Variants in GCNT4 observed in about 807,000 individuals in gnomAD.
GCNT4 encodes the protein glucosaminyl (N-acetyl) transferase 4, also known as beta-1,3-galactosyl-O-glycosyl-glycoprotein beta-1,6-N-acetylglucosaminyltransferase 4.
Under a neutral mutation model 31.3 loss-of-function variants are expected in GCNT4, and 17 were observed. The observed-to-expected ratio is 0.54, with a 90% CI of 0.37 to 0.81. The LOEUF (loss-of-function observed/expected upper bound fraction) is 0.81. Ranked by LOEUF, GCNT4 falls within the 40% of genes least tolerant of loss-of-function variation. GCNT4 has a pLI of 0.00. For synonymous variants in GCNT4, 158 were observed against 190.6 expected (o/e 0.83, Z 1.41); for missense variants, 503 against 525.5 (o/e 0.96, Z 0.42).
In GCNT4 at chr5:75,029,164, G is replaced by T. The variant is rs996742294; in HGVS notation, c.874C>A (p.Pro292Thr). 1.2e-6 allele frequency: 2 copies of T among 1,613,868 alleles called. No individual in the cohort carries two copies. The highest frequency in any genetic ancestry group is 1.1e-5 in the South Asian group (1 of 91,080). Residue 292 changes from proline (P) to threonine (T), a missense_variant, in exon 4 of 4, where the codon CCC becomes ACC. Physicochemically the swap from Pro to Thr is conservative, Grantham distance 38. Transcript: ENST00000652361. The part of the protein sequence containing the change: ...PIRTNISKEA[P>T]PHNIQIFVGS... ...ACAAATATCTGAATGTTATGGGGGG[G>T]TGCTTCCTTGGAGATGTTTGTCCTT...
chr5:75,029,471 A>G lies in GCNT4; in HGVS notation c.567T>C (p.Ala189=). 6.2e-7 allele frequency: 1 copy of G among 1,614,136 alleles called. No individual in the cohort carries two copies. Among genetic ancestry groups the G allele is most frequent in the Non-Finnish European group, 8.5e-7 (1 of 1,180,022 alleles). ...CATATTCCACAGCCTCTAATTTGGA[A>G]GCAATGAAAATATTGGAGAAGCACT... The part of the protein sequence containing the change: ...LAKCFSNIFI[A]SKLEAVEYAH... Residue 189 remains alanine, a synonymous_variant, in exon 4 of 4, where the codon GCT becomes GCC. Transcript: ENST00000652361.
intron 3 of GCNT4, 33 bp from the exon 4 acceptor site, chr5:75,030,071 A>T: frequency 6.5e-7 from 1 of 1,542,268 alleles, no homozygotes; most frequent in Non-Finnish European, 8.7e-7. Context: ...TCCAGTTGGA[A>T]TATTAACAGA....
chr5:75,030,581 T>TA (rs1423248017), intron 3 of GCNT4: 1 of 167,338 alleles, frequency 6.0e-6, no homozygotes, highest in African/African-American at 2.4e-5. Flanking sequence ...TGCTAAGTAT[T>TA]AGAGACTGTA....
the GCNT4 span, among the ~76,000 whole-genome samples, chr5:75,019,632 C>T: frequency 6.6e-6 from 1 of 152,160 alleles, no homozygotes. Flanking sequence ...CTGGCAATTA[C>T]TTCATAAAAG....
At chr5:75,024,657 G>A (rs931840452), downstream of GCNT4, among the ~76,000 whole-genome samples, 14 of 152,256 alleles carry the variant, frequency 9.2e-5, no homozygotes, top group South Asian at 2.5e-3. Flanking sequence ...CAAGGCAGGA[G>A]TCCTTCAAAG....
chr5:75,046,785 T>C (rs1743447747), intron 3 of GCNT4, among the ~76,000 whole-genome samples: 1 of 152,156 alleles, frequency 6.6e-6, no homozygotes, highest in South Asian at 2.1e-4. Flanking sequence ...GAGTTAAAAA[T>C]AGGCCACTCC....
At chr5:75,036,219 A>G (rs1316418697) in intron 3 of GCNT4, among the ~76,000 whole-genome samples, 1 of 152,134 alleles carries the variant, frequency 6.6e-6, no homozygotes, top group Non-Finnish European at 1.5e-5. Flanking sequence ...TTCAAGGGCC[A>G]TACTGTAGTT....
chr5:75,035,898 C>A (rs1561375287), intron 3 of GCNT4, among the ~76,000 whole-genome samples: 2 of 152,204 alleles, frequency 1.3e-5, no homozygotes, highest in Non-Finnish European at 2.9e-5. Context: ...CCTCCTATTT[C>A]TCCACAAAGT....
intron 3 of GCNT4, among the ~76,000 whole-genome samples, chr5:75,040,429 G>A (rs927008647): frequency 2.2e-4 from 34 of 152,276 alleles, no homozygotes; most frequent in African/African-American, 7.5e-4. Flanking sequence ...CAGTATTAAA[G>A]ACATCCATAC....
chr5:75,027,153 C>T lies in GCNT4; in HGVS notation c.*1523G>A, dbSNP rs1580234139. ...ACATATCATGACCAAGAAATTTTTA[C>T]ATGAGTTCTACAATTTCCCAAGAGA... On this transcript the variant is annotated 3_prime_UTR_variant, in exon 4 of 4. Transcript: ENST00000652361. The T allele has an allele frequency of 6.6e-6, 1 of 150,420 alleles. No individual in the cohort carries two copies. The highest frequency in any genetic ancestry group is 1.5e-5 in the Non-Finnish European group (1 of 67,718). The allele number at this position is 150,420 out of a possible 1,614,324, so 9.3% of individuals were successfully genotyped here. A position where few individuals can be genotyped will look rare whatever the true frequency, so the allele number is the denominator to read the frequency against.
rs1262361267 is a variant in GCNT4 at position 75,026,151 on chromosome 5, A to G, written c.*2525T>C. On this transcript the variant is annotated 3_prime_UTR_variant, in exon 4 of 4. Transcript: ENST00000652361. ...CTTCATCCTTCCATGTTCCCTTTGA[A>G]TACGGCATTTAAGTGATGAACAACT... 1.3e-5 allele frequency: 2 copies of G among 152,214 alleles called. No individual in the cohort carries two copies. Among genetic ancestry groups the G allele is most frequent in the Non-Finnish European group, 2.9e-5 (2 of 68,044 alleles). The allele number at this position is 152,214 out of a possible 1,614,324, so 9.4% of individuals were successfully genotyped here.
At chr5:75,043,597 T>C (rs769741586) in intron 3 of GCNT4, among the ~76,000 whole-genome samples, 2 of 152,184 alleles carry the variant, frequency 1.3e-5, no homozygotes, top group Non-Finnish European at 2.9e-5. Context: ...GCTAGAATTG[T>C]TGCACCCACC....
At chr5:75,033,242 G>A (rs1743113714) in intron 3 of GCNT4, among the ~76,000 whole-genome samples, 2 of 152,178 alleles carry the variant, frequency 1.3e-5, no homozygotes. Flanking sequence ...AGGCATCCTT[G>A]CCCTTCCTGA....
At chr5:75,035,330 G>A (rs1183692790) in intron 3 of GCNT4, among the ~76,000 whole-genome samples, 1 of 152,250 alleles carries the variant, frequency 6.6e-6, no homozygotes, top group African/African-American at 2.4e-5. Context: ...AAAGGGGAAT[G>A]GTAAGTCAAG....
chr5:75,037,900 C>T (rs970107452), intron 3 of GCNT4, among the ~76,000 whole-genome samples: 1 of 125,478 alleles, frequency 8.0e-6, no homozygotes, highest in Non-Finnish European at 1.7e-5. Context: ...AAACAAAAAA[C>T]AAAAAAAACA....
At position 75,027,315 on chromosome 5, in the gene GCNT4, TATATA is replaced by T. The variant is rs1294235679; in HGVS notation, c.*1356_*1360del. 1.8e-5 allele frequency: 1 copy of T among 55,950 alleles called. No homozygotes were observed. Among genetic ancestry groups the T allele is most frequent in the South Asian group, 5.0e-4 (1 of 1,988 alleles). The allele number at this position is 55,950 out of a possible 1,614,324, so 3.5% of individuals were successfully genotyped here. On this transcript the variant is annotated 3_prime_UTR_variant, in exon 4 of 4. Transcript: ENST00000652361. Reference sequence around the variant, plus strand: ...ATTTATATATATATAATTATATGTATATATAATATATATTCATATACAATATATGT... The same window carrying T: ...ATTTATATATATATAATTATATGTATATATATATTCATATACAATATATGT...
At chr5:75,038,748 C>T (rs559540502) in intron 3 of GCNT4, among the ~76,000 whole-genome samples, 1 of 152,352 alleles carries the variant, frequency 6.6e-6, no homozygotes, top group South Asian at 2.1e-4. Flanking sequence ...TAATCACTGT[C>T]TAAAGGCCCC....
intron 2 of GCNT4, among the ~76,000 whole-genome samples, chr5:75,051,672 A>T (rs1743571665): frequency 6.6e-6 from 1 of 152,232 alleles, no homozygotes; most frequent in Admixed American, 6.5e-5. Flanking sequence ...CTTATCTTGA[A>T]GGCACTTGGC....
At chr5:75,050,614 A>G (rs1187413194) in intron 2 of GCNT4, among the ~76,000 whole-genome samples, 2 of 152,132 alleles carry the variant, frequency 1.3e-5, no homozygotes, top group Non-Finnish European at 2.9e-5. Context: ...GAGCCTCGAA[A>G]GCTGCCCAGA....
Sources: allele counts gnomAD v4.1 joint callset (sites outside exome capture counted in the v4.1 genomes callset), GRCh38; gene constraint gnomAD v4.1.1; transcripts MANE v1.5; gene names NCBI Gene and HGNC (gene_info 2026-07-23, HGNC 2026-07-21).